Variants in P2RY6 observed in about 807,000 individuals in gnomAD.
The protein encoded by P2RY6 is pyrimidinergic receptor P2Y6, also known as P2Y purinoceptor 6.
Under a neutral mutation model 16.3 loss-of-function variants are expected in P2RY6, and 19 were observed. The observed-to-expected ratio is 1.16, with a 90% CI of 0.81 to 1.71. P2RY6 has a LOEUF of 1.71. P2RY6 is among the 40% of genes most tolerant of loss of function. The pLI, the probability that P2RY6 is intolerant of heterozygous loss-of-function variation, is 0.00. For missense variants in P2RY6, 389 were observed against 455.5 expected, an observed-to-expected ratio of 0.85 and a Z score of 1.33; for synonymous variants, 184 against 201.5, an observed-to-expected ratio of 0.91 and a Z score of 0.74.
chr11:73,285,219 C>T (rs1451015402), intron 1 of P2RY6, among the ~76,000 whole-genome samples: 1 of 152,208 alleles, frequency 6.6e-6, no homozygotes, highest in South Asian at 2.1e-4. Flanking sequence ...TACAGGCACA[C>T]GCCAACACAT....
Position 73,297,583 on chromosome 11 carries a change from C to T in P2RY6, c.*78C>T, listed in dbSNP as rs537555142. The T allele has an allele frequency of 1.3e-5, 15 of 1,148,186 alleles. No individual in the cohort carries two copies. Among genetic ancestry groups the T allele is most frequent in the Middle Eastern group, 2.3e-4 (1 of 4,344 alleles). 71.1% of individuals were successfully genotyped at this position (1,148,186 alleles called of 1,614,324 possible). On this transcript the variant is annotated 3_prime_UTR_variant, in exon 3 of 3. Coordinates refer to ENST00000540124, the MANE Select transcript of P2RY6 (RefSeq NM_001277204.2). ...GGAGCCCCACCAACCCCAAACCATG[C>T]GGAGAATTAGAGTTCAGCTCAGCTG...
rs372909665 is a variant in P2RY6 at position 73,297,069 on chromosome 11, C to T, written c.551C>T (p.Ala184Val). The change falls in exon 3 of 3, where the codon GCC becomes GTC. Residue 184 changes from alanine to valine, a missense_variant. Transcript: ENST00000540124. ...GTCTGCTATGACCTCAGCCCGCCTG[C>T]CCTGGCCACCCACTATATGCCCTAT... Reference protein sequence around the residue: ...RTVCYDLSPPALATHYMPYGM... With the variant: ...RTVCYDLSPPVLATHYMPYGM... 6 of 1,601,738 alleles carry T rather than the reference C, an allele frequency of 3.7e-6. No homozygotes were observed. The South Asian group carries it at 5.5e-5, about 15-fold the overall frequency.
chr11:73,290,151 G>A (rs1285505422), intron 1 of P2RY6, among the ~76,000 whole-genome samples: 1 of 151,996 alleles, frequency 6.6e-6, no homozygotes, highest in Non-Finnish European at 1.5e-5. Flanking sequence ...GAACCTGGGA[G>A]GCGGAAGTTG....
chr11:73,280,174 A>G (rs952508264), intron 1 of P2RY6, among the ~76,000 whole-genome samples: 1 of 151,962 alleles, frequency 6.6e-6, no homozygotes, highest in African/African-American at 2.4e-5. Flanking sequence ...AAGAATATGC[A>G]CTCTGGAACC....
chr11:73,283,960 G>A (rs1371029719), intron 1 of P2RY6, among the ~76,000 whole-genome samples: 2 of 152,200 alleles, frequency 1.3e-5, no homozygotes, highest in South Asian at 2.1e-4. Context: ...GGAGTCCCGC[G>A]GGGCTGTGGA....
intron 1 of P2RY6, among the ~76,000 whole-genome samples, chr11:73,291,789 G>A (rs1231471201): frequency 3.3e-5 from 5 of 152,334 alleles, no homozygotes; most frequent in African/African-American, 9.6e-5. Flanking sequence ...CCAGCACACT[G>A]GTGATCAGTA....
intron 1 of P2RY6, among the ~76,000 whole-genome samples, chr11:73,290,702 C>T (rs1001842213): frequency 2.0e-5 from 3 of 152,268 alleles, no homozygotes; most frequent in Non-Finnish European, 4.4e-5. Flanking sequence ...CCTTCAGTGC[C>T]CAGCAATGGA....
chr11:73,295,739 C>A lies in P2RY6; in HGVS notation c.-111C>A. 1.0e-6 allele frequency: 1 copy of A among 984,410 alleles called. No homozygotes were observed. The highest frequency in any genetic ancestry group is 1.2e-6 in the Non-Finnish European group (1 of 829,010). 61.0% of individuals were successfully genotyped at this position (984,410 alleles called of 1,614,324 possible). ...TTCCCCTATTTTACAGATAACAAGA[C>A]CTCTGCCAGAAGAACCATGGCTTTG... On this transcript the variant is annotated 5_prime_UTR_variant, in exon 2 of 3. Transcript: ENST00000540124.
chr11:73,293,761 G>T (rs1864366329), intron 1 of P2RY6, among the ~76,000 whole-genome samples: 3 of 152,216 alleles, frequency 2.0e-5, no homozygotes, highest in Admixed American at 2.0e-4. Context: ...AGAGGGAGGG[G>T]AGGGGGTCCC....
rs76105214 is a variant in P2RY6, at chr11:73,292,751, G to C, written c.-120-2979G>C. ...GGCAGGGAGCCGGTGGCCCCCACAG[G>C]GGCTCTTTTAGTCAGAGACAGCCCT... On this transcript the variant is annotated intron_variant, in intron 1 of 2. Transcript: ENST00000540124. 3.1e-3 allele frequency: 3,036 copies of C among 981,290 alleles called. 91 individuals are homozygous for C. The African/African-American group carries it at 0.05, about 16-fold the overall frequency. The allele number at this position is 981,290 out of a possible 1,614,324, so 60.8% of individuals were successfully genotyped here. A position where few individuals can be genotyped will look rare whatever the true frequency, so the allele number is the denominator to read the frequency against.
At chr11:73,286,937 G>A (rs149832540) in intron 1 of P2RY6, among the ~76,000 whole-genome samples, 5 of 152,320 alleles carry the variant, frequency 3.3e-5, no homozygotes, top group African/African-American at 2.4e-5. Flanking sequence ...GTAGGGAAAT[G>A]TCACCTGTCT....
intron 1 of P2RY6, among the ~76,000 whole-genome samples, chr11:73,284,726 T>C (rs976157302): frequency 2.6e-5 from 4 of 152,164 alleles, no homozygotes; most frequent in African/African-American, 9.7e-5. Flanking sequence ...GTAGACATAA[T>C]TGAACCACGT....
upstream of P2RY6, chr11:73,271,551 C>T (rs796092400): frequency 7.9e-5 from 12 of 152,214 alleles, no homozygotes; most frequent in East Asian, 1.9e-4. Flanking sequence ...CAGAACAGAA[C>T]GGGAGGTTTC....
In P2RY6 at chr11:73,296,793, G is replaced by C. The variant is rs1318543401; in HGVS notation, c.275G>C (p.Trp92Ser). Residue 92 changes from tryptophan (W) to serine (S), a missense_variant, in exon 3 of 3, where the codon TGG becomes TCG. Trp to Ser is a radical substitution (Grantham distance 177). Coordinates refer to ENST00000540124, the MANE Select transcript of P2RY6 (RefSeq NM_001277204.2). ...TACAACTATGCCCAAGGTGATCACT[G>C]GCCCTTTGGCGACTTCGCCTGCCGC... is the stretch of plus-strand genomic sequence containing the variant. Reference protein sequence around the residue: ...LIYNYAQGDHWPFGDFACRLV... With the variant: ...LIYNYAQGDHSPFGDFACRLV... 1 of 1,611,610 alleles carries C rather than the reference G, an allele frequency of 6.2e-7. No homozygotes were observed. Among genetic ancestry groups the C allele is most frequent in the African/African-American group, 1.3e-5 (1 of 75,052 alleles).
At chr11:73,267,124 G>C (rs1374674270) in intron 1 of P2RY6, among the ~76,000 whole-genome samples, 1 of 152,164 alleles carries the variant, frequency 6.6e-6, no homozygotes, top group Non-Finnish European at 1.5e-5. Context: ...ACACTCCAAA[G>C]CTGTAACATT....
intron 1 of P2RY6, among the ~76,000 whole-genome samples, chr11:73,280,295 C>A (rs1017924243): frequency 3.3e-5 from 5 of 152,184 alleles, no homozygotes; most frequent in Non-Finnish European, 7.3e-5. Flanking sequence ...AAAATAATAA[C>A]CAGTCCCACC....
At chr11:73,295,424 C>T (rs546837064) in intron 1 of P2RY6, among the ~76,000 whole-genome samples, 4 of 152,356 alleles carry the variant, frequency 2.6e-5, no homozygotes, top group Admixed American at 6.5e-5. Context: ...GTAACCTCTA[C>T]ATCCCATGTC....
rs1864590457 is a variant in P2RY6, at chr11:73,298,231, G to C, written c.*726G>C. ...AGTGGGAACTTGGCAAGCAGAAGTG[G>C]GGAGCACTTTAATGCAACCCAGGTA... On this transcript the variant is annotated 3_prime_UTR_variant, in exon 3 of 3. Transcript: ENST00000540124. 6.0e-6 allele frequency: 1 copy of C among 167,166 alleles called. No individual in the cohort carries two copies. Among genetic ancestry groups the C allele is most frequent in the African/African-American group, 2.4e-5 (1 of 41,442 alleles). 10.4% of individuals were successfully genotyped at this position (167,166 alleles called of 1,614,324 possible).
intron 1 of P2RY6, among the ~76,000 whole-genome samples, chr11:73,286,499 A>C (rs980223660): frequency 2.0e-5 from 3 of 151,882 alleles, no homozygotes; most frequent in African/African-American, 7.3e-5. Context: ...AAGCAGTCTC[A>C]GAGGTGCTAC....
Sources: allele counts gnomAD v4.1 joint callset (sites outside exome capture counted in the v4.1 genomes callset), GRCh38; gene constraint gnomAD v4.1.1; transcripts MANE v1.5; gene names NCBI Gene and HGNC (gene_info 2026-07-23, HGNC 2026-07-21).